MTAP: variants seen among roughly 807,000 people sequenced by gnomAD.
MTAP encodes the protein methylthioadenosine phosphorylase.
A neutral mutation model predicts 33.6 loss-of-function variants in MTAP; 33 were observed. That is an observed-to-expected ratio of 0.98 (90% confidence interval 0.74 to 1.31). The LOEUF (loss-of-function observed/expected upper bound fraction) is 1.31, where lower values mean the gene tolerates loss of function less well. Among genes scored for constraint, MTAP ranks in the 40% most tolerant of loss-of-function variants. MTAP has a pLI of 0.00. For synonymous variants in MTAP, 148 were observed against 125.7 expected, an observed-to-expected ratio of 1.18 and a Z score of -1.19; for missense variants, 367 against 360.0, an observed-to-expected ratio of 1.02 and a Z score of -0.16.
At chr9:21,834,639 A>G (rs1825057240) in intron 4 of MTAP, among the ~76,000 whole-genome samples, 1 of 152,192 alleles carries the variant, frequency 6.6e-6, no homozygotes, top group African/African-American at 2.4e-5. Flanking sequence ...CATCATGCTG[A>G]CATTGACTCT....
chr9:21,912,831 A>G (rs539938976), intron 1 of MTAP, among the ~76,000 whole-genome samples: 15 of 152,302 alleles, frequency 9.8e-5, no homozygotes, highest in Non-Finnish European at 1.9e-4. Flanking sequence ...TAGGAAAAGA[A>G]GAAGTCAAAT....
intron 4 of MTAP, 108 bp downstream of exon 4, chr9:21,818,310 T>A: frequency 2.4e-6 from 1 of 419,564 alleles, no homozygotes; most frequent in Non-Finnish European, 4.1e-6. Flanking sequence ...TGCCACAGAC[T>A]CGCTTGCTTT....
intron 2 of MTAP, 76 bp from the exon 3 acceptor site, chr9:21,816,638 T>A: frequency 7.8e-7 from 1 of 1,278,378 alleles, no homozygotes; most frequent in Non-Finnish European, 1.1e-6. Flanking sequence ...ATGAGTCCTG[T>A]TGTGGTTGAA....
intron 1 of MTAP, among the ~76,000 whole-genome samples, chr9:21,885,528 G>C (rs994779292): frequency 2.0e-5 from 3 of 152,004 alleles, no homozygotes; most frequent in African/African-American, 4.8e-5. Flanking sequence ...CATCACCCAA[G>C]CAGTGTACAC....
At chr9:21,828,640 A>C (rs1328840813) in intron 4 of MTAP, among the ~76,000 whole-genome samples, 1 of 152,062 alleles carries the variant, frequency 6.6e-6, no homozygotes, top group Non-Finnish European at 1.5e-5. Flanking sequence ...GCTCCATTGC[A>C]CTCCAGCCTA....
At chr9:21,859,638 T>C (rs1433312795) in intron 7 of MTAP, 1 of 445,512 alleles carries the variant, frequency 2.2e-6, no homozygotes, top group Non-Finnish European at 3.9e-6. Flanking sequence ...AAGGCTAGGG[T>C]TGAGAGAGTT....
chr9:21,852,651 C>G lies in MTAP; in HGVS notation c.451-1980C>G, dbSNP rs191516884. Among the ~76,000 whole-genome samples, 234 of 148,840 alleles carry G rather than the reference C, an allele frequency of 1.6e-3. 1 individual carries two copies. Among genetic ancestry groups the G allele is most frequent in the African/African-American group, 5.7e-3 (229 of 40,416 alleles). ...TGCATCAGAATCCCAGAAATCACTA[C>G]TAAAGAACTTATATACATCACAATA... On this transcript the variant is annotated intron_variant, in intron 5 of 7. Transcript: ENST00000644715.
intron 5 of MTAP, among the ~76,000 whole-genome samples, chr9:21,851,614 G>C (rs971336085): frequency 2.3e-4 from 35 of 152,166 alleles, no homozygotes; most frequent in African/African-American, 8.4e-4. Flanking sequence ...GATTCATGTG[G>C]ACTTGTGATG....
Position 21,864,156 on chromosome 9 carries a change from T to A in MTAP, c.*2142T>A. The A allele has an allele frequency of 7.1e-6, 7 of 985,442 alleles. No individual in the cohort carries two copies. The highest frequency in any genetic ancestry group is 8.4e-6 in the Non-Finnish European group (7 of 829,944). The allele number at this position is 985,442 out of a possible 1,614,324, so 61.0% of individuals were successfully genotyped here. ...TACAGTTCTCTCCAACTTGCAGAGG[T>A]ACTTTTCTTGATTAAATAGCCTTCT... On this transcript the variant is annotated 3_prime_UTR_variant, in exon 8 of 8. Transcript: ENST00000644715.
chr9:21,819,214 A>G (rs1283544463), intron 4 of MTAP, among the ~76,000 whole-genome samples: 2 of 151,150 alleles, frequency 1.3e-5, no homozygotes, highest in Non-Finnish European at 2.9e-5. Context: ...ATATGTGTAC[A>G]TGTGCCATGT....
chr9:21,833,430 C>A (rs180739856), intron 4 of MTAP, among the ~76,000 whole-genome samples: 1 of 152,248 alleles, frequency 6.6e-6, no homozygotes, highest in Admixed American at 6.5e-5. Context: ...AGGGTTCCAC[C>A]CACCTTGGCC....
intron 1 of MTAP, chr9:21,811,748 C>G (rs770204388): frequency 4.1e-5 from 22 of 530,976 alleles, no homozygotes; most frequent in Non-Finnish European, 8.5e-5. Flanking sequence ...CTCATCCATG[C>G]CCTCGCCCGT....
intron 1 of MTAP, among the ~76,000 whole-genome samples, chr9:21,896,786 C>T (rs1178982877): frequency 6.6e-6 from 1 of 152,100 alleles, no homozygotes; most frequent in Non-Finnish European, 1.5e-5. Flanking sequence ...GATTCACAGC[C>T]GAATTCTACC....
chr9:21,822,479 A>G (rs1191433195), intron 4 of MTAP, among the ~76,000 whole-genome samples: 4 of 152,200 alleles, frequency 2.6e-5, no homozygotes, highest in Admixed American at 6.5e-5. Context: ...GTTTGATTGC[A>G]CTGTGGTCTG....
intron 1 of MTAP, among the ~76,000 whole-genome samples, chr9:21,908,216 C>T (rs147163537): frequency 6.6e-6 from 1 of 152,224 alleles, no homozygotes; most frequent in East Asian, 1.9e-4. Flanking sequence ...TGGAATCATA[C>T]AGTATGTAAC....
At position 21,854,746 on chromosome 9, in the gene MTAP, G is replaced by C. The variant is rs184520335; in HGVS notation, c.566G>C (p.Trp189Ser). ...GCAGAAAGCTTCATGTTCCGCACCT[G>C]GGGGGCGGATGTTATCAACATGACC... ...SRAESFMFRT[W>S]GADVINMTTV... The change falls in exon 6 of 8, where the codon TGG (tryptophan) becomes TCG (serine). Residue 189 changes from tryptophan (W) to serine (S), a missense_variant. Physicochemically the swap from Trp to Ser is radical, Grantham distance 177. Transcript: ENST00000644715. 3 of 1,613,896 alleles carry C rather than the reference G, an allele frequency of 1.9e-6. No individual in the cohort carries two copies. The highest frequency in any genetic ancestry group is 1.3e-5 in the African/African-American group (1 of 74,916).
chr9:21,913,153 T>C (rs1415099566), intron 1 of MTAP, among the ~76,000 whole-genome samples: 2 of 152,122 alleles, frequency 1.3e-5, no homozygotes, highest in Non-Finnish European at 2.9e-5. Flanking sequence ...TAGAAGAACA[T>C]TCCATGCTCA....
chr9:21,820,039 T>G (rs1473968030), intron 4 of MTAP, among the ~76,000 whole-genome samples: 1 of 152,258 alleles, frequency 6.6e-6, no homozygotes, highest in East Asian at 1.9e-4. Flanking sequence ...ATTCTGGATA[T>G]TAGCCCTTAG....
chr9:21,897,215 T>C (rs1471380674), intron 1 of MTAP, among the ~76,000 whole-genome samples: 2 of 152,206 alleles, frequency 1.3e-5, no homozygotes, highest in African/African-American at 4.8e-5. Context: ...AAGCTAGGTA[T>C]TGATGGGATG....
Sources: allele counts gnomAD v4.1 joint callset (sites outside exome capture counted in the v4.1 genomes callset), GRCh38; gene constraint gnomAD v4.1.1; transcripts MANE v1.5; gene names NCBI Gene and HGNC (gene_info 2026-07-23, HGNC 2026-07-21).